The following OVOL2 variants were observed in gnomAD, a reference collection of about 807,000 sequenced individuals.
The protein encoded by OVOL2 is ovo like zinc finger 2.
Under a neutral mutation model 18.1 loss-of-function variants are expected in OVOL2, and 13 were observed. That is an observed-to-expected ratio of 0.72 (90% confidence interval 0.47 to 1.14). The LOEUF (loss-of-function observed/expected upper bound fraction) is 1.14. Among genes scored for constraint, OVOL2 ranks in the 50% most tolerant of loss-of-function variants. The pLI is 0.00. For synonymous variants in OVOL2, 166 were observed against 162.7 expected, an observed-to-expected ratio of 1.02 and a Z score of -0.16; for missense variants, 335 against 383.0, an observed-to-expected ratio of 0.87 and a Z score of 1.05.
chr20:18,037,020 C>T (rs2122702882), intron 3 of OVOL2, among the ~76,000 whole-genome samples: 1 of 151,596 alleles, frequency 6.6e-6, no homozygotes, highest in East Asian at 1.9e-4. Flanking sequence ...CCTGTAGTCC[C>T]AGCTACTCGG....
Position 18,046,263 on chromosome 20 carries a change from G to A in OVOL2, c.322-4540C>T, listed in dbSNP as rs982929600. Among the ~76,000 whole-genome samples the A allele has an allele frequency of 1.2e-4, 18 of 152,300 alleles. No individual in the cohort carries two copies. In the East Asian group the frequency reaches 2.7e-3, roughly 23 times the overall value. ...AATATGCCTTGTGCCTTGAAATTTG[G>A]TTTGTAATAGCAAAGGACTGGAAAC... On this transcript the variant is annotated intron_variant, in intron 2 of 3. Coordinates refer to ENST00000278780, the MANE Select transcript of OVOL2 (RefSeq NM_021220.4).
intron 2 of OVOL2, among the ~76,000 whole-genome samples, chr20:18,047,882 GA>G (rs1350821255): frequency 1.6e-5 from 2 of 128,184 alleles, no homozygotes; most frequent in Non-Finnish European, 3.3e-5. Flanking sequence ...AAAAAAGAAA[GA>G]AATGAAGAAA....
At chr20:18,026,221 A>C (rs558058544) in intron 3 of OVOL2, among the ~76,000 whole-genome samples, 5 of 152,124 alleles carry the variant, frequency 3.3e-5, no homozygotes, top group Admixed American at 6.5e-5. Flanking sequence ...GAATATAAAC[A>C]TGGACTCTGT....
chr20:18,026,574 G>A (rs1183530767), intron 3 of OVOL2, among the ~76,000 whole-genome samples: 1 of 152,020 alleles, frequency 6.6e-6, no homozygotes, highest in Admixed American at 6.6e-5. Context: ...GTAGAGACGG[G>A]GTTTCACCAT....
intron 2 of OVOL2, among the ~76,000 whole-genome samples, chr20:18,043,374 G>T (rs986324450): frequency 4.3e-4 from 66 of 152,170 alleles, no homozygotes; most frequent in African/African-American, 1.6e-3. Context: ...GGTTTTAAGA[G>T]ACCTTGTAGC....
chr20:18,034,131 A>T (rs544160996), intron 3 of OVOL2, among the ~76,000 whole-genome samples: 1 of 152,198 alleles, frequency 6.6e-6, no homozygotes, highest in African/African-American at 2.4e-5. Context: ...CTTCCCATCC[A>T]GACCGCTTTT....
intron 3 of OVOL2, among the ~76,000 whole-genome samples, chr20:18,036,671 C>T (rs376241400): frequency 0.077 from 9,267 of 119,730 alleles, 360 homozygotes; most frequent in Middle Eastern, 0.18. Context: ...GGTACAGGCA[C>T]CCCCTTTCTT....
At chr20:18,040,282 G>C (rs2036657060) in intron 3 of OVOL2, among the ~76,000 whole-genome samples, 1 of 152,108 alleles carries the variant, frequency 6.6e-6, no homozygotes, top group African/African-American at 2.4e-5. Flanking sequence ...GGATAGGGTT[G>C]AATGGGTTAA....
At chr20:18,040,153 G>A (rs2036655960) in intron 3 of OVOL2, among the ~76,000 whole-genome samples, 1 of 152,120 alleles carries the variant, frequency 6.6e-6, no homozygotes, top group Non-Finnish European at 1.5e-5. Flanking sequence ...CCAACTCTTG[G>A]CCTCAAGCAA....
At chr20:18,034,651 T>TCTCTCTCACACA (rs773350112) in intron 3 of OVOL2, among the ~76,000 whole-genome samples, 1 of 145,614 alleles carries the variant, frequency 6.9e-6, no homozygotes, top group African/African-American at 2.6e-5. Flanking sequence ...TCTCTCTCTC[T>TCTCTCTCACACA]CACACACACA....
chr20:18,042,775 C>CA (rs141784334), intron 2 of OVOL2, among the ~76,000 whole-genome samples: 31,556 of 93,368 alleles, frequency 0.34, 5,455 homozygotes, highest in Middle Eastern at 0.42. Flanking sequence ...AACTCCGTCT[C>CA]AAAAAAAAAA....
chr20:18,058,730 T>C (rs921159312), upstream of OVOL2, among the ~76,000 whole-genome samples: 2 of 152,216 alleles, frequency 1.3e-5, no homozygotes, highest in African/African-American at 4.8e-5. Context: ...ATAGTGAACA[T>C]TGGCTACATC....
chr20:18,029,563 C>T (rs986887901), intron 3 of OVOL2, among the ~76,000 whole-genome samples: 23 of 152,110 alleles, frequency 1.5e-4, no homozygotes, highest in African/African-American at 5.6e-4. Context: ...CTTGCCATTG[C>T]GTCCCTGTCT....
Position 18,056,535 on chromosome 20 carries a change from G to C in OVOL2, c.321+122C>G, listed in dbSNP as rs1406417798. The stretch of plus-strand genomic sequence containing the variant: ...GGGCAGGTGCAGGAGCGGCGCGGCG[G>C]GCGCGCTCGGGGCGCGGGTGCCGGG... On this transcript the variant is annotated intron_variant, in intron 2 of 3. Transcript: ENST00000278780. This position sits in a 1 kb window ranked among gnomAD's most constrained non-coding sequence, Gnocchi z 4.2. 28 of 1,070,240 alleles carry C rather than the reference G, an allele frequency of 2.6e-5. No homozygotes were observed. Among genetic ancestry groups the C allele is most frequent in the Non-Finnish European group, 3.0e-5 (27 of 886,162 alleles). The allele number at this position is 1,070,240 out of a possible 1,614,324, so 66.3% of individuals were successfully genotyped here. A position where few individuals can be genotyped will look rare whatever the true frequency, so the allele number is the denominator to read the frequency against.
intron 2 of OVOL2, among the ~76,000 whole-genome samples, chr20:18,048,115 C>T (rs1479515224): frequency 2.0e-5 from 3 of 150,510 alleles, no homozygotes; most frequent in Non-Finnish European, 4.4e-5. Flanking sequence ...GGTGAAACTC[C>T]ATCTCTACTA....
chr20:18,044,609 T>C (rs1008896665), intron 2 of OVOL2, among the ~76,000 whole-genome samples: 4 of 152,184 alleles, frequency 2.6e-5, no homozygotes, highest in Admixed American at 2.6e-4. Flanking sequence ...TGCTTAGAGC[T>C]GGAGGCAATA....
In OVOL2 at chr20:18,057,503, A is replaced by G. The variant is rs1600456496; in HGVS notation, c.100+32T>C. The G allele has an allele frequency of 5.6e-6, 8 of 1,435,204 alleles. No homozygotes were observed. The highest frequency in any genetic ancestry group is 3.0e-5 in the African/African-American group (2 of 67,228). The allele number at this position is 1,435,204 out of a possible 1,614,324, so 88.9% of individuals were successfully genotyped here. A position where few individuals can be genotyped will look rare whatever the true frequency, so the allele number is the denominator to read the frequency against. The stretch of plus-strand genomic sequence containing the variant: ...ACCCCTTCCCCCACCCCGGGAGCCC[A>G]GCGCCCAGGCCCGGCCCCCGCGCGC... On this transcript the variant is annotated intron_variant, in intron 1 of 3. Transcript: ENST00000278780. The surrounding 1 kb of genome is among the most constrained non-coding windows in gnomAD (Gnocchi z 6.3).
At position 18,057,285 on chromosome 20, in the gene OVOL2, C is replaced by T. The variant is rs983590911; in HGVS notation, c.100+250G>A. 6.6e-6 allele frequency among the ~76,000 whole-genome samples: 1 copy of T among 152,202 alleles called. No individual in the cohort carries two copies. Among genetic ancestry groups the T allele is most frequent in the Non-Finnish European group, 1.5e-5 (1 of 68,032 alleles). ...CAATCCCTTTCCTGGGCCACCTTGG[C>T]CCGCGCTGCAGCCAACGGTCCCGCC... On this transcript the variant is annotated intron_variant, in intron 1 of 3. Transcript: ENST00000278780. The surrounding 1 kb of genome is among the most constrained non-coding windows in gnomAD (Gnocchi z 6.3).
chr20:18,053,426 C>A (rs894723612), intron 2 of OVOL2, among the ~76,000 whole-genome samples: 1 of 152,110 alleles, frequency 6.6e-6, no homozygotes, highest in African/African-American at 2.4e-5. Context: ...AATGGCAGGG[C>A]GCGGTGGCTC....
Sources: gnomAD v4.1 joint callset for allele counts (sites outside exome capture counted in the v4.1 genomes callset) on GRCh38, gnomAD v4.1.1 for gene constraint, Gnocchi (gnomAD v3.1) non-coding constraint, MANE v1.5 for transcripts, NCBI Gene and HGNC (gene_info 2026-07-23, HGNC 2026-07-21) for gene names.